QTMAN: variants seen among roughly 807,000 people sequenced by gnomAD.
The protein encoded by QTMAN is tRNA-queuosine alpha-mannosyltransferase.
chr2:144,212,010 A>C, the QTMAN span, among the ~76,000 whole-genome samples: 223 of 152,354 alleles, frequency 1.5e-3, no homozygotes, highest in Non-Finnish European at 2.4e-3. Context: ...AACCAAGGAC[A>C]GGGTTTCCTT....
chr2:144,027,678 A>T, the QTMAN span, among the ~76,000 whole-genome samples: 1 of 152,260 alleles, frequency 6.6e-6, no homozygotes, highest in Non-Finnish European at 1.5e-5. Context: ...ACTTTAAAGC[A>T]GTGCTGAATT....
At chr2:144,204,745 A>G in the QTMAN span, among the ~76,000 whole-genome samples, 1 of 152,098 alleles carries the variant, frequency 6.6e-6, no homozygotes, top group South Asian at 2.1e-4. Context: ...AACCAGCCCA[A>G]ATGTCCAAAA....
the QTMAN span, among the ~76,000 whole-genome samples, chr2:144,263,297 A>G: frequency 2.6e-5 from 4 of 152,080 alleles, no homozygotes; most frequent in African/African-American, 7.2e-5. Flanking sequence ...GGTTTTGGAT[A>G]CTGTACACTG....
chr2:144,256,095 T>C, the QTMAN span, among the ~76,000 whole-genome samples: 1 of 152,174 alleles, frequency 6.6e-6, no homozygotes, highest in East Asian at 1.9e-4. Flanking sequence ...TAATACTAAA[T>C]GTAATGCAAT....
chr2:144,326,204 A>G, the QTMAN span, among the ~76,000 whole-genome samples: 2 of 152,382 alleles, frequency 1.3e-5, no homozygotes, highest in East Asian at 3.9e-4. Flanking sequence ...ACAAGGCAAC[A>G]TAGTGAAAAT....
chr2:144,243,039 G>C, the QTMAN span, among the ~76,000 whole-genome samples: 4 of 150,282 alleles, frequency 2.7e-5, no homozygotes, highest in Admixed American at 2.6e-4. Flanking sequence ...CTCACAAATG[G>C]AGTAACCCCA....
At chr2:144,080,240 A>C in the QTMAN span, among the ~76,000 whole-genome samples, 1 of 152,144 alleles carries the variant, frequency 6.6e-6, no homozygotes, top group Admixed American at 6.5e-5. Flanking sequence ...CACAAGCAAA[A>C]TGTCTCTATA....
chr2:144,132,405 T>C, the QTMAN span, among the ~76,000 whole-genome samples: 1 of 152,036 alleles, frequency 6.6e-6, no homozygotes, highest in African/African-American at 2.4e-5. Flanking sequence ...TATTTTTTAA[T>C]GGAAAACTTC....
chr2:144,282,916 G>A, the QTMAN span, among the ~76,000 whole-genome samples: 1 of 152,030 alleles, frequency 6.6e-6, no homozygotes, highest in Non-Finnish European at 1.5e-5. Flanking sequence ...AAAGATACCT[G>A]AACTAAGGGG....
the QTMAN span, chr2:144,007,389 T>A: frequency 1.2e-6 from 2 of 1,612,706 alleles, no homozygotes; most frequent in African/African-American, 2.7e-5. Context: ...ACAGTGTGTA[T>A]CACACTCTGA....
the QTMAN span, among the ~76,000 whole-genome samples, chr2:144,317,834 C>T: frequency 5.9e-5 from 9 of 152,028 alleles, no homozygotes; most frequent in African/African-American, 2.2e-4. Context: ...ACTGTGTTCT[C>T]TAATTCAATT....
chr2:144,236,354 G>GTGATCCC, the QTMAN span, among the ~76,000 whole-genome samples: 11 of 152,086 alleles, frequency 7.2e-5, no homozygotes, highest in Admixed American at 7.2e-4. Context: ...ACACAGTCCT[G>GTGATCCC]TGATCCCTGT....
chr2:144,282,885 C>T, the QTMAN span, among the ~76,000 whole-genome samples: 1 of 152,050 alleles, frequency 6.6e-6, no homozygotes, highest in Non-Finnish European at 1.5e-5. Flanking sequence ...ATCAATCATG[C>T]CTACCTGATG....
At chr2:144,071,171 A>T in the QTMAN span, among the ~76,000 whole-genome samples, 1 of 151,980 alleles carries the variant, frequency 6.6e-6, no homozygotes, top group Non-Finnish European at 1.5e-5. Flanking sequence ...AAAAAACCTT[A>T]CTAAAATAAA....
chr2:143,949,354 A>T, the QTMAN span, among the ~76,000 whole-genome samples: 1 of 152,028 alleles, frequency 6.6e-6, no homozygotes, highest in South Asian at 2.1e-4. Context: ...ACTCATATTG[A>T]AAGTATAATG....
the QTMAN span, among the ~76,000 whole-genome samples, chr2:144,197,295 TTGTGTGTGTGTG>T: frequency 6.8e-6 from 1 of 148,094 alleles, no homozygotes; most frequent in African/African-American, 2.5e-5. Context: ...GACTGTATAT[TTGTGTGTGTGTG>T]TGTGTGTGTG....
At chr2:144,133,462 T>TA in the QTMAN span, among the ~76,000 whole-genome samples, 13 of 60,558 alleles carry the variant, frequency 2.1e-4, no homozygotes, top group African/African-American at 7.7e-4. Context: ...ATATAATATA[T>TA]ATTATATATT....
the QTMAN span, among the ~76,000 whole-genome samples, chr2:144,078,263 C>T: frequency 6.6e-6 from 1 of 152,180 alleles, no homozygotes; most frequent in African/African-American, 2.4e-5. Context: ...CATATGATAG[C>T]AGAATGTGAA....
the QTMAN span, among the ~76,000 whole-genome samples, chr2:144,012,699 G>A: frequency 6.6e-6 from 1 of 152,130 alleles, no homozygotes; most frequent in African/African-American, 2.4e-5. Context: ...ATAAATAAAT[G>A]CCCAAGGGTA....
Sources: gnomAD v4.1 joint callset for allele counts (sites outside exome capture counted in the v4.1 genomes callset) on GRCh38, gnomAD v4.1.1 for gene constraint, MANE v1.5 for transcripts, NCBI Gene and HGNC (gene_info 2026-07-23, HGNC 2026-07-21) for gene names.